The following MARCHF1 variants were observed in gnomAD, a reference collection of about 807,000 sequenced individuals.
MARCHF1 encodes membrane associated ring-CH-type finger 1.
In MARCHF1, 40 loss-of-function variants were observed where a neutral mutation model predicts 54.2. The observed-to-expected ratio is 0.74, with a 90% CI of 0.57 to 0.96. The LOEUF is 0.96. Ranked by LOEUF, MARCHF1 falls within the 40% of genes least tolerant of loss-of-function variation. MARCHF1 has a pLI of 0.00. For missense variants in MARCHF1, 586 were observed against 656.5 expected (o/e 0.89, Z 1.17); for synonymous variants, 236 against 236.3 (o/e 1.00, Z 0.01).
At chr4:163,633,797 G>C (rs916667357) in intron 5 of MARCHF1, among the ~76,000 whole-genome samples, 6 of 152,034 alleles carry the variant, frequency 3.9e-5, no homozygotes, top group African/African-American at 1.4e-4. Flanking sequence ...ATAATTGTCA[G>C]ATTCACCAAA....
intron 2 of MARCHF1, among the ~76,000 whole-genome samples, chr4:163,995,725 A>G (rs1174190355): frequency 1.3e-5 from 2 of 152,078 alleles, no homozygotes; most frequent in African/African-American, 4.8e-5. Flanking sequence ...TTAAAGGCAA[A>G]TTATAAAGCA....
chr4:163,702,202 T>C (rs1744830349), intron 4 of MARCHF1, among the ~76,000 whole-genome samples: 1 of 152,186 alleles, frequency 6.6e-6, no homozygotes, highest in South Asian at 2.1e-4. Context: ...TACGGTTAGT[T>C]ACAGCTCATA....
intron 3 of MARCHF1, among the ~76,000 whole-genome samples, chr4:163,955,736 C>T (rs1752220151): frequency 6.6e-6 from 1 of 152,008 alleles, no homozygotes; most frequent in Non-Finnish European, 1.5e-5. Context: ...AGATTGTGAC[C>T]CTCTCTAGGA....
At chr4:164,287,744 T>A (rs1158927263) in intron 1 of MARCHF1, among the ~76,000 whole-genome samples, 1 of 152,118 alleles carries the variant, frequency 6.6e-6, no homozygotes, top group Admixed American at 6.5e-5. Flanking sequence ...AGGAATAATT[T>A]AGAATAGACT....
chr4:163,923,817 T>C (rs1202364818), intron 3 of MARCHF1, among the ~76,000 whole-genome samples: 2 of 151,550 alleles, frequency 1.3e-5, no homozygotes, highest in Non-Finnish European at 2.9e-5. Flanking sequence ...ATCACCCGCA[T>C]CTTACAATGC....
intron 3 of MARCHF1, among the ~76,000 whole-genome samples, chr4:163,910,645 C>T (rs543360185): frequency 5.3e-4 from 81 of 152,178 alleles, no homozygotes; most frequent in Non-Finnish European, 1.1e-3. Context: ...CTGGCACCCA[C>T]CACCATGCCC....
intron 3 of MARCHF1, among the ~76,000 whole-genome samples, chr4:163,956,882 AGAAGCTAAGT>A (rs1752242679): frequency 6.6e-6 from 1 of 152,118 alleles, no homozygotes; most frequent in South Asian, 2.1e-4. Flanking sequence ...TTTAGTCAAA[AGAAGCTAAGT>A]GTTCAACCAG....
At chr4:164,181,784 T>C (rs1730840445) in intron 1 of MARCHF1, among the ~76,000 whole-genome samples, 1 of 152,198 alleles carries the variant, frequency 6.6e-6, no homozygotes, top group African/African-American at 2.4e-5. Context: ...ATCTTCTTTT[T>C]ATATTGTGGC....
At chr4:163,722,670 T>C (rs1253398676) in intron 4 of MARCHF1, among the ~76,000 whole-genome samples, 1 of 152,204 alleles carries the variant, frequency 6.6e-6, no homozygotes. Context: ...TCTAAATCTC[T>C]TTGTAGATCT....
At chr4:163,886,551 A>G (rs1750543675) in intron 3 of MARCHF1, among the ~76,000 whole-genome samples, 1 of 152,178 alleles carries the variant, frequency 6.6e-6, no homozygotes, top group African/African-American at 2.4e-5. Context: ...AGATAAGTGC[A>G]ATAGAATAAG....
At position 164,336,926 on chromosome 4, in the gene MARCHF1, T is replaced by A. The variant is rs530562494; in HGVS notation, c.-323+46944A>T. On this transcript the variant is annotated intron_variant, in intron 1 of 9. Coordinates refer to ENST00000514618, the MANE Select transcript of MARCHF1 (RefSeq NM_001394959.1). ...TCAAAACCTAGTGAGGATAAAATAA[T>A]CTTCTAACTTCCAACAGGAATTAGC... 9.9e-5 allele frequency among the ~76,000 whole-genome samples: 15 copies of A among 151,344 alleles called. No individual in the cohort carries two copies. The East Asian group carries it at 2.9e-3, about 29-fold the overall frequency.
chr4:164,070,604 C>T (rs1754841764), intron 2 of MARCHF1, among the ~76,000 whole-genome samples: 2 of 152,106 alleles, frequency 1.3e-5, no homozygotes, highest in African/African-American at 2.4e-5. Flanking sequence ...TGAAAAGTAT[C>T]CCAGCTTAGA....
At chr4:164,000,384 G>C (rs924872672) in intron 2 of MARCHF1, among the ~76,000 whole-genome samples, 1 of 151,532 alleles carries the variant, frequency 6.6e-6, no homozygotes, top group African/African-American at 2.4e-5. Flanking sequence ...TAGTTGCCAG[G>C]GATGCCAGAA....
At chr4:164,092,767 C>T (rs929162248) in intron 2 of MARCHF1, among the ~76,000 whole-genome samples, 1 of 151,982 alleles carries the variant, frequency 6.6e-6, no homozygotes, top group Non-Finnish European at 1.5e-5. Context: ...TCTTATTGAA[C>T]CAATTGATAA....
At chr4:163,556,132 C>T (rs1317993267) in intron 8 of MARCHF1, among the ~76,000 whole-genome samples, 3 of 152,030 alleles carry the variant, frequency 2.0e-5, no homozygotes, top group Non-Finnish European at 4.4e-5. Context: ...ATTATTAAAG[C>T]ATCACAATGT....
At chr4:163,803,613 C>A (rs945434820) in intron 4 of MARCHF1, among the ~76,000 whole-genome samples, 1 of 152,136 alleles carries the variant, frequency 6.6e-6, no homozygotes, top group Admixed American at 6.5e-5. Context: ...AAGCATAGTG[C>A]CCACTTGAGA....
At chr4:163,852,603 C>T (rs965701766) in intron 4 of MARCHF1, among the ~76,000 whole-genome samples, 13 of 152,126 alleles carry the variant, frequency 8.5e-5, no homozygotes, top group African/African-American at 3.1e-4. Context: ...TTCCCTAAAA[C>T]TTTGAATACC....
At chr4:163,815,508 G>A (rs1169586686) in intron 4 of MARCHF1, among the ~76,000 whole-genome samples, 1 of 152,120 alleles carries the variant, frequency 6.6e-6, no homozygotes, top group Non-Finnish European at 1.5e-5. Context: ...TAAAAGTAAA[G>A]AGGCTCAGAG....
chr4:163,620,219 C>A (rs1229835947), intron 5 of MARCHF1, among the ~76,000 whole-genome samples: 1 of 152,092 alleles, frequency 6.6e-6, no homozygotes, highest in Non-Finnish European at 1.5e-5. Context: ...ATGGTATCCA[C>A]GTTAACTTAT....
Sources: allele counts gnomAD v4.1 joint callset (sites outside exome capture counted in the v4.1 genomes callset), GRCh38; gene constraint gnomAD v4.1.1; transcripts MANE v1.5; gene names NCBI Gene and HGNC (gene_info 2026-07-23, HGNC 2026-07-21).